The following NRXN1 variants were observed in gnomAD, a reference collection of about 807,000 sequenced individuals.
NRXN1 encodes the protein neurexin-1.
A neutral mutation model predicts 150.9 loss-of-function variants in NRXN1; 39 were observed. The ratio of observed to expected loss-of-function variants is 0.26; its 90% CI spans 0.20 to 0.34. NRXN1 has a LOEUF of 0.34. NRXN1 is among the 10% of genes least tolerant of loss of function. The pLI is 1.00. For synonymous variants in NRXN1, 924 were observed against 757.0 expected (o/e 1.22, Z -3.62); for missense variants, 1,815 against 1,949.9 (o/e 0.93, Z 1.30).
At chr2:50,483,549 C>A (rs2104804699) in intron 15 of NRXN1, among the ~76,000 whole-genome samples, 1 of 152,240 alleles carries the variant, frequency 6.6e-6, no homozygotes, top group Non-Finnish European at 1.5e-5. Context: ...TCTCTTACTC[C>A]ATTTGATCCT....
chr2:50,981,118 A>AT (rs550266658), intron 2 of NRXN1, among the ~76,000 whole-genome samples: 2 of 152,234 alleles, frequency 1.3e-5, no homozygotes, highest in East Asian at 3.9e-4. Flanking sequence ...TATCAGAAAG[A>AT]TAAAAATTGA....
chr2:50,339,506 C>A (rs189892754), intron 17 of NRXN1, among the ~76,000 whole-genome samples: 6 of 152,222 alleles, frequency 3.9e-5, no homozygotes, highest in African/African-American at 1.4e-4. Flanking sequence ...ACTGGAGAAA[C>A]ACCTTTCTAT....
At chr2:51,030,647 T>G (rs2105350918) in intron 1 of NRXN1, among the ~76,000 whole-genome samples, 1 of 152,222 alleles carries the variant, frequency 6.6e-6, no homozygotes, top group East Asian at 1.9e-4. Context: ...TTATTATGGC[T>G]GATACATTCC....
chr2:50,012,786 A>G (rs1439416562), intron 21 of NRXN1, among the ~76,000 whole-genome samples: 2 of 152,182 alleles, frequency 1.3e-5, no homozygotes, highest in Non-Finnish European at 2.9e-5. Context: ...TTTACACTAC[A>G]GTGAATGGGA....
At chr2:50,159,343 A>G (rs2059224054) in intron 18 of NRXN1, among the ~76,000 whole-genome samples, 2 of 152,148 alleles carry the variant, frequency 1.3e-5, no homozygotes, top group South Asian at 4.1e-4. Context: ...TTTTACAAAG[A>G]TAATCTTTAG....
At position 50,361,578 on chromosome 2, in the gene NRXN1, T is replaced by C. The variant is rs528853901; in HGVS notation, c.3364+103864A>G. 6.6e-5 allele frequency among the ~76,000 whole-genome samples: 10 copies of C among 152,224 alleles called. No individual in the cohort carries two copies. In the East Asian group the frequency reaches 1.5e-3, roughly 24 times the overall value. On this transcript the variant is annotated intron_variant, in intron 17 of 22. Transcript: ENST00000401669. ...ACTAAATCAGGAAGAAGTCGAATCC[T>C]TGAAGAGACCAATAACAAGTTCTGA... is the stretch of plus-strand genomic sequence containing the variant.
chr2:50,391,433 A>C (rs2081688262), intron 17 of NRXN1, among the ~76,000 whole-genome samples: 1 of 152,170 alleles, frequency 6.6e-6, no homozygotes, highest in African/African-American at 2.4e-5. Flanking sequence ...GTGCTTTAAA[A>C]ATAATCTTCT....
chr2:50,751,420 T>C (rs1034622223), intron 5 of NRXN1, among the ~76,000 whole-genome samples: 4 of 152,082 alleles, frequency 2.6e-5, no homozygotes, highest in Admixed American at 6.6e-5. Flanking sequence ...ATACAAACAC[T>C]GGGGAAAACA....
At chr2:50,598,646 G>T (rs901497414) in intron 8 of NRXN1, among the ~76,000 whole-genome samples, 3 of 144,834 alleles carry the variant, frequency 2.1e-5, no homozygotes, top group Non-Finnish European at 4.5e-5. Context: ...ATATGTGTGT[G>T]TATCTATATA....
intron 17 of NRXN1, among the ~76,000 whole-genome samples, chr2:50,440,091 G>T (rs866365830): frequency 6.6e-6 from 1 of 152,158 alleles, no homozygotes; most frequent in Non-Finnish European, 1.5e-5. Context: ...ATCCTCAAGA[G>T]TTGTCAGGAT....
chr2:50,938,981 G>A (rs1296588984), intron 2 of NRXN1, among the ~76,000 whole-genome samples: 1 of 152,062 alleles, frequency 6.6e-6, no homozygotes, highest in African/African-American at 2.4e-5. Context: ...GGAGGCCAAG[G>A]CAGGAGGATC....
At chr2:50,246,092 T>C (rs1326928435) in intron 17 of NRXN1, among the ~76,000 whole-genome samples, 2 of 152,022 alleles carry the variant, frequency 1.3e-5, no homozygotes, top group South Asian at 2.1e-4. Flanking sequence ...ACAGAAATGA[T>C]TCACTCACAT....
chr2:50,790,861 A>G (rs1454949147), intron 5 of NRXN1, among the ~76,000 whole-genome samples: 1 of 152,054 alleles, frequency 6.6e-6, no homozygotes, highest in Admixed American at 6.6e-5. Context: ...TTGTATTTTG[A>G]CCGCAACTCA....
At chr2:49,956,295 A>T (rs2104504230) in intron 21 of NRXN1, among the ~76,000 whole-genome samples, 1 of 152,314 alleles carries the variant, frequency 6.6e-6, no homozygotes, top group South Asian at 2.1e-4. Context: ...GATTGACAGA[A>T]CCAAAGATGT....
At chr2:50,068,744 C>T (rs538698700) in intron 19 of NRXN1, among the ~76,000 whole-genome samples, 2 of 152,220 alleles carry the variant, frequency 1.3e-5, no homozygotes, top group Admixed American at 1.3e-4. Flanking sequence ...CACAATATAT[C>T]TAAGAATGTG....
chr2:50,077,431 G>A (rs961990037), intron 19 of NRXN1, among the ~76,000 whole-genome samples: 3 of 151,928 alleles, frequency 2.0e-5, no homozygotes, highest in African/African-American at 4.9e-5. Flanking sequence ...TACTGTGATT[G>A]TGCTCATTCT....
intron 21 of NRXN1, among the ~76,000 whole-genome samples, chr2:50,009,502 C>T (rs934853927): frequency 9.2e-5 from 14 of 152,128 alleles, no homozygotes; most frequent in African/African-American, 3.1e-4. Context: ...AAGCTGTCCT[C>T]AGTGGCTTTC....
intron 22 of NRXN1, among the ~76,000 whole-genome samples, chr2:49,936,735 A>AG (rs1671093750): frequency 6.7e-6 from 1 of 148,450 alleles, no homozygotes; most frequent in Non-Finnish European, 1.5e-5. Context: ...AAAAAAAAAA[A>AG]GTTCAAACCT....
At chr2:51,008,621 T>C (rs542367135) in intron 2 of NRXN1, among the ~76,000 whole-genome samples, 3 of 151,960 alleles carry the variant, frequency 2.0e-5, no homozygotes, top group East Asian at 1.9e-4. Flanking sequence ...TATTTATTAA[T>C]TGTATTTCTT....
Sources: gnomAD v4.1 joint callset for allele counts (sites outside exome capture counted in the v4.1 genomes callset) on GRCh38, gnomAD v4.1.1 for gene constraint, MANE v1.5 for transcripts, NCBI Gene and HGNC (gene_info 2026-07-23, HGNC 2026-07-21) for gene names.